Variants in TLE2 observed in about 807,000 individuals in gnomAD.
TLE2 encodes transducin-like enhancer protein 2.
A neutral mutation model predicts 97.2 loss-of-function variants in TLE2; 74 were observed. The observed-to-expected ratio is 0.76, with a 90% CI of 0.63 to 0.92. The LOEUF is 0.92. TLE2 is among the 40% of genes least tolerant of loss of function. The pLI, the probability that TLE2 is intolerant of heterozygous loss-of-function variation, is 0.00. For synonymous variants in TLE2, 499 were observed against 432.1 expected (o/e 1.15, Z -1.92); for missense variants, 1,038 against 1,008.7 (o/e 1.03, Z -0.39).
At chr19:3,043,573 G>A (rs1040485929) in intron 1 of TLE2, among the ~76,000 whole-genome samples, 4 of 151,416 alleles carry the variant, frequency 2.6e-5, no homozygotes, top group Admixed American at 2.0e-4. Flanking sequence ...CAAGACGAGC[G>A]GATCATTTGA....
rs2089803402 is a variant in TLE2, at chr19:3,019,947, A to G, written c.295-174T>C. 6 of 879,776 alleles carry G rather than the reference A, an allele frequency of 6.8e-6. No individual in the cohort carries two copies. In the South Asian group the frequency reaches 8.9e-5, roughly 13 times the overall value. The allele number at this position is 879,776 out of a possible 1,614,324, so 54.5% of individuals were successfully genotyped here. On this transcript the variant is annotated intron_variant, in intron 5 of 19. Coordinates refer to ENST00000262953, the MANE Select transcript of TLE2 (RefSeq NM_003260.5). This position sits in a 1 kb window ranked among gnomAD's most constrained non-coding sequence, Gnocchi z 5.1. Reference sequence around the variant, plus strand: ...CCCTTTCCTTTTGGAATTTTGAAATAAGCACACGGAGAAAGAAACCAAACC... The same window carrying G: ...CCCTTTCCTTTTGGAATTTTGAAATGAGCACACGGAGAAAGAAACCAAACC...
At chr19:3,007,090 C>T (rs1385172103) in intron 14 of TLE2, among the ~76,000 whole-genome samples, 1 of 140,048 alleles carries the variant, frequency 7.1e-6, no homozygotes, top group Non-Finnish European at 1.5e-5. Context: ...CAGCCTGATG[C>T]GTTTGTTTCT....
intron 9 of TLE2, 56 bp downstream of exon 9, chr19:3,015,597 C>T: frequency 7.0e-7 from 1 of 1,430,772 alleles, no homozygotes. Flanking sequence ...CTCTGAGGGG[C>T]CAGGCTGGTC....
intron 5 of TLE2, among the ~76,000 whole-genome samples, chr19:3,022,902 T>C (rs2089872556): frequency 6.6e-6 from 1 of 152,130 alleles, no homozygotes; most frequent in African/African-American, 2.4e-5. Context: ...GGAAAGCTGC[T>C]GGAAATGATA....
At position 3,019,566 on chromosome 19, in the gene TLE2, G is replaced by A. The variant is rs1599229881; in HGVS notation, c.370-103C>T. The A allele has an allele frequency of 4.7e-6, 7 of 1,497,068 alleles. No individual in the cohort carries two copies. In the East Asian group the frequency reaches 1.5e-4, roughly 32 times the overall value. The allele number at this position is 1,497,068 out of a possible 1,614,324, so 92.7% of individuals were successfully genotyped here. ...AGGGGATGGGACCTAAGCACAGCAT[G>A]TGCCCCTGGGGTTCCCAGGACCACT... On this transcript the variant is annotated intron_variant, in intron 6 of 19. Coordinates refer to ENST00000262953, the MANE Select transcript of TLE2 (RefSeq NM_003260.5). This position sits in a 1 kb window ranked among gnomAD's most constrained non-coding sequence, Gnocchi z 5.1.
chr19:3,017,704 T>G, intron 8 of TLE2, 136 bp downstream of exon 8: 1 of 714,550 alleles, frequency 1.4e-6, no homozygotes, highest in Non-Finnish European at 2.2e-6. Flanking sequence ...CTCCTACCTC[T>G]GCCTACCAAA....
chr19:3,045,550 C>T (rs1006224933), intron 1 of TLE2, among the ~76,000 whole-genome samples: 1 of 152,168 alleles, frequency 6.6e-6, no homozygotes, highest in African/African-American at 2.4e-5. Flanking sequence ...GGTGCAGTGG[C>T]TTACACCTGT....
upstream of TLE2, among the ~76,000 whole-genome samples, chr19:3,031,074 G>C (rs549819044): frequency 2.0e-4 from 31 of 152,252 alleles, no homozygotes; most frequent in Non-Finnish European, 3.2e-4. Context: ...GGGTGGATAA[G>C]GGAGACAGAT....
At chr19:3,046,605 C>T (rs1258742707), upstream of TLE2, among the ~76,000 whole-genome samples, 3 of 141,862 alleles carry the variant, frequency 2.1e-5, no homozygotes, top group African/African-American at 7.5e-5. Flanking sequence ...CCGCTAGAGT[C>T]CTGCCACCGG....
chr19:3,012,848 G>C (rs1406651228), intron 11 of TLE2, among the ~76,000 whole-genome samples: 1 of 152,216 alleles, frequency 6.6e-6, no homozygotes, highest in African/African-American at 2.4e-5. Context: ...CGCACAAACA[G>C]TGACAGCCAC....
Position 3,028,742 on chromosome 19 carries a change from T to C in TLE2, c.86A>G (p.Lys29Arg). The change falls in exon 2 of 20, where the codon AAA becomes AGA. Residue 29 changes from lysine (K) to arginine (R), a missense_variant. Transcript: ENST00000262953. The part of the protein sequence containing the change: ...FSILEICDRI[K>R]EEFQFLQAQY... Reference sequence around the variant, plus strand: ...AGCCTGAAGAAACTGGAATTCTTCTTTGATGCGGTCGCAGATCTCCAAGAT... The same window carrying C: ...AGCCTGAAGAAACTGGAATTCTTCTCTGATGCGGTCGCAGATCTCCAAGAT... 6.2e-7 allele frequency: 1 copy of C among 1,612,968 alleles called. No homozygotes were observed. Among genetic ancestry groups the C allele is most frequent in the Non-Finnish European group, 8.5e-7 (1 of 1,179,824 alleles).
chr19:3,034,466 C>T (rs1039626551), intron 1 of TLE2, among the ~76,000 whole-genome samples: 2 of 151,702 alleles, frequency 1.3e-5, no homozygotes, highest in African/African-American at 4.8e-5. Flanking sequence ...ACACCCCCAA[C>T]CCCCTCCAGC....
intron 19 of TLE2, among the ~76,000 whole-genome samples, chr19:2,999,194 A>G (rs751217625): frequency 4.6e-5 from 7 of 152,014 alleles, no homozygotes; most frequent in Non-Finnish European, 8.8e-5. Flanking sequence ...TGGGAGGAGA[A>G]TCGCTTTAAC....
Position 2,997,941 on chromosome 19 carries a change from G to A in TLE2, c.2139C>T (p.Ser713=). The A allele has an allele frequency of 6.2e-7, 1 of 1,612,270 alleles. No individual in the cohort carries two copies. Among genetic ancestry groups the A allele is most frequent in the East Asian group, 2.2e-5 (1 of 44,860 alleles). The stretch of plus-strand genomic sequence containing the variant: ...TGGAGATGTCACAACTCAGGACTGA[G>A]GACGACTCCTTGGACTGCCAAGGGA... ...GASIFQSKES[S]SVLSCDISRN... Residue 713 remains serine (S), a synonymous_variant, in exon 20 of 20, where the codon TCC becomes TCT. Transcript: ENST00000262953.
chr19:2,999,157 A>G (rs946735769), intron 19 of TLE2, among the ~76,000 whole-genome samples: 2 of 151,466 alleles, frequency 1.3e-5, no homozygotes, highest in African/African-American at 4.9e-5. Flanking sequence ...TGGCGGGCAC[A>G]TGTAATGCCA....
In TLE2 at chr19:3,019,229, C is replaced by T. The variant is rs891921622; in HGVS notation, c.550+54G>A. The stretch of plus-strand genomic sequence containing the variant: ...ATGTTTGCTACCCTGGACTGCCAGT[C>T]GTCCTCCCCAGCCCCGTCTCCCCAG... On this transcript the variant is annotated intron_variant, in intron 7 of 19. Coordinates refer to ENST00000262953, the MANE Select transcript of TLE2 (RefSeq NM_003260.5). The surrounding 1 kb of genome is among the most constrained non-coding windows in gnomAD (Gnocchi z 5.1). 2.3e-5 allele frequency: 36 copies of T among 1,536,410 alleles called. No homozygotes were observed. The highest frequency in any genetic ancestry group is 7.3e-5 in the East Asian group (3 of 41,060).
chr19:3,041,013 A>ATATATATATTATT (rs1555695656), intron 1 of TLE2, among the ~76,000 whole-genome samples: 3 of 28,968 alleles, frequency 1.0e-4, no homozygotes, highest in Non-Finnish European at 1.7e-4. Flanking sequence ...ATATATATAT[A>ATATATATATTATT]TTTTTTTTTT....
rs201442313 is a variant in TLE2 at position 3,002,315 on chromosome 19, G to C, written c.2047+38C>G. The stretch of plus-strand genomic sequence containing the variant: ...GAATAGGCACCCTGGGTTTTGTTGG[G>C]GTTTTGAGGGCGTGCCACCCCGCCC... On this transcript the variant is annotated intron_variant, in intron 18 of 19. Coordinates refer to ENST00000262953, the MANE Select transcript of TLE2 (RefSeq NM_003260.5). 5,876 of 1,571,000 alleles carry C rather than the reference G, an allele frequency of 3.7e-3. 13 individuals are homozygous for C. Among genetic ancestry groups the C allele is most frequent in the Non-Finnish European group, 4.7e-3 (5,465 of 1,157,890 alleles).
chr19:3,003,138 G>A (rs1342909025), intron 17 of TLE2, among the ~76,000 whole-genome samples: 2 of 152,160 alleles, frequency 1.3e-5, no homozygotes, highest in Non-Finnish European at 2.9e-5. Flanking sequence ...ACTGCATGTC[G>A]AATCATTAAT....
Sources: allele counts gnomAD v4.1 joint callset (sites outside exome capture counted in the v4.1 genomes callset), GRCh38; gene constraint gnomAD v4.1.1; non-coding constraint Gnocchi (gnomAD v3.1); transcripts MANE v1.5; gene names NCBI Gene and HGNC (gene_info 2026-07-23, HGNC 2026-07-21).